Variants in KIAA1217 observed in about 807,000 individuals in gnomAD.
KIAA1217 encodes the protein sickle tail protein homolog.
Under a neutral mutation model 163.9 loss-of-function variants are expected in KIAA1217, and 88 were observed. The ratio of observed to expected loss-of-function variants is 0.54; its 90% CI spans 0.45 to 0.64. The LOEUF (loss-of-function observed/expected upper bound fraction) is 0.64. KIAA1217 is among the 30% of genes least tolerant of loss of function. The pLI, the probability that KIAA1217 is intolerant of heterozygous loss-of-function variation, is 0.00. For synonymous variants in KIAA1217, 903 were observed against 923.1 expected, an observed-to-expected ratio of 0.98 and a Z score of 0.39; for missense variants, 2,372 against 2,475.0, an observed-to-expected ratio of 0.96 and a Z score of 0.88.
intron 2 of KIAA1217, among the ~76,000 whole-genome samples, chr10:24,098,357 T>C: frequency 6.6e-6 from 1 of 151,972 alleles, no homozygotes; most frequent in East Asian, 1.9e-4. Context: ...CTACAAAGTA[T>C]AGAGAAAGCA....
chr10:24,156,833 T>C, intron 2 of KIAA1217, among the ~76,000 whole-genome samples: 1 of 152,202 alleles, frequency 6.6e-6, no homozygotes, highest in Non-Finnish European at 1.5e-5. Flanking sequence ...TGTTTTCCCC[T>C]GGCTCTTCTT....
intron 1 of KIAA1217, among the ~76,000 whole-genome samples, chr10:23,779,813 A>G (rs548475865): frequency 6.6e-6 from 1 of 152,222 alleles, no homozygotes; most frequent in Non-Finnish European, 1.5e-5. Flanking sequence ...TGGGTATATG[A>G]CAGTGTTCCC....
intron 3 of KIAA1217, among the ~76,000 whole-genome samples, chr10:24,427,470 T>A (rs1301791690): frequency 6.6e-6 from 1 of 152,128 alleles, no homozygotes; most frequent in Non-Finnish European, 1.5e-5. Flanking sequence ...TTGGCAGAAG[T>A]GGACATATAG....
intron 1 of KIAA1217, among the ~76,000 whole-genome samples, chr10:24,216,827 CAAAA>C (rs199499926): frequency 1.8e-5 from 1 of 55,792 alleles, no homozygotes; most frequent in African/African-American, 6.4e-5. Flanking sequence ...ACTCTGTGTC[CAAAA>C]AAAAAAAAAA....
chr10:24,074,720 T>C (rs2061311227), intron 2 of KIAA1217, among the ~76,000 whole-genome samples: 1 of 139,548 alleles, frequency 7.2e-6, no homozygotes, highest in Non-Finnish European at 1.5e-5. Flanking sequence ...TTTTTTTTTT[T>C]TGAGATAGAG....
At chr10:24,041,812 C>A (rs1848645599) in intron 2 of KIAA1217, among the ~76,000 whole-genome samples, 1 of 152,142 alleles carries the variant, frequency 6.6e-6, no homozygotes, top group African/African-American at 2.4e-5. Context: ...ACGTGGTATG[C>A]ACTTCATAAT....
At chr10:23,994,034 G>C (rs964495088) in intron 1 of KIAA1217, among the ~76,000 whole-genome samples, 17 of 152,186 alleles carry the variant, frequency 1.1e-4, no homozygotes, top group Non-Finnish European at 2.2e-4. Context: ...GGGATAGCAA[G>C]TACCAAGGCT....
At position 24,026,016 on chromosome 10, in the gene KIAA1217, G is replaced by A. The variant is rs150736934; in HGVS notation, c.-171+18642G>A. On this transcript the variant is annotated intron_variant, in intron 2 of 18. Transcript: ENST00000376462. ...TTTTATTTCATTTTCTTGCTTTATCGTACCAGCTAAAGCCATCAGTAAAAT... is the reference window on the plus strand; with the variant it reads ...TTTTATTTCATTTTCTTGCTTTATCATACCAGCTAAAGCCATCAGTAAAAT... Among the ~76,000 whole-genome samples the A allele has an allele frequency of 8.6e-5, 13 of 151,598 alleles. No individual in the cohort carries two copies. In the East Asian group the frequency reaches 1.2e-3, roughly 14 times the overall value.
intron 2 of KIAA1217, among the ~76,000 whole-genome samples, chr10:24,357,984 C>G (rs1203778008): frequency 6.6e-6 from 1 of 152,186 alleles, no homozygotes; most frequent in African/African-American, 2.4e-5. Context: ...GTAAACTCCC[C>G]AGACCCTAAG....
At chr10:23,794,606 T>C (rs1730360316) in intron 1 of KIAA1217, among the ~76,000 whole-genome samples, 2 of 152,368 alleles carry the variant, frequency 1.3e-5, no homozygotes, top group South Asian at 4.1e-4. Flanking sequence ...AATTCAAGCC[T>C]TGGCTTTCAT....
chr10:24,415,297 T>C (rs1477185412), intron 3 of KIAA1217, among the ~76,000 whole-genome samples: 1 of 151,900 alleles, frequency 6.6e-6, no homozygotes, highest in Non-Finnish European at 1.5e-5. Context: ...GTAGTTTTAG[T>C]AGAGACAGGA....
intron 16 of KIAA1217, among the ~76,000 whole-genome samples, chr10:24,536,278 C>A (rs2297326): frequency 1.3e-5 from 2 of 152,044 alleles, no homozygotes; most frequent in Admixed American, 1.3e-4. Flanking sequence ...CCTCGGAGCG[C>A]GGTAGTACCT....
intron 2 of KIAA1217, among the ~76,000 whole-genome samples, chr10:24,339,535 G>A (rs1591106932): frequency 6.6e-6 from 1 of 152,194 alleles, no homozygotes; most frequent in East Asian, 1.9e-4. Context: ...TCAAGGGTGA[G>A]GTGATAATCA....
At chr10:24,407,859 G>T (rs1342012821) in intron 3 of KIAA1217, among the ~76,000 whole-genome samples, 1 of 152,016 alleles carries the variant, frequency 6.6e-6, no homozygotes, top group Non-Finnish European at 1.5e-5. Flanking sequence ...TTGTATATTG[G>T]TTTGTCGTGT....
chr10:24,508,939 A>G (rs1004425550), intron 9 of KIAA1217, among the ~76,000 whole-genome samples: 24 of 152,200 alleles, frequency 1.6e-4, no homozygotes, highest in Admixed American at 1.4e-3. Context: ...ATTTTTTAGG[A>G]TGATAAAATA....
At chr10:24,184,614 A>T (rs1167289946) in intron 2 of KIAA1217, among the ~76,000 whole-genome samples, 1 of 152,216 alleles carries the variant, frequency 6.6e-6, no homozygotes, top group Non-Finnish European at 1.5e-5. Flanking sequence ...TTTTGGCCTC[A>T]AGAAACTCCC....
chr10:24,219,191 G>A (rs1351630090), intron 1 of KIAA1217, among the ~76,000 whole-genome samples: 1 of 152,132 alleles, frequency 6.6e-6, no homozygotes, highest in Non-Finnish European at 1.5e-5. Flanking sequence ...ATAGCTCACT[G>A]CAGCCTTGAC....
intron 2 of KIAA1217, among the ~76,000 whole-genome samples, chr10:24,195,287 C>T (rs1487469630): frequency 1.3e-5 from 2 of 152,184 alleles, no homozygotes; most frequent in East Asian, 1.9e-4. Flanking sequence ...GTATTTCCAG[C>T]TACAAGATGC....
At chr10:23,962,350 T>C (rs1844852215) in intron 1 of KIAA1217, among the ~76,000 whole-genome samples, 1 of 152,242 alleles carries the variant, frequency 6.6e-6, no homozygotes, top group Non-Finnish European at 1.5e-5. Flanking sequence ...TAACTGAAAG[T>C]GCTTAATCAC....
Sources: gnomAD v4.1 joint callset for allele counts (sites outside exome capture counted in the v4.1 genomes callset) on GRCh38, gnomAD v4.1.1 for gene constraint, MANE v1.5 for transcripts, NCBI Gene and HGNC (gene_info 2026-07-23, HGNC 2026-07-21) for gene names.